The following CPNE4 variants were observed in gnomAD, a reference collection of about 807,000 sequenced individuals.
CPNE4 encodes the protein copine 4.
In CPNE4, 25 loss-of-function variants were observed where a neutral mutation model predicts 67.9. The ratio of observed to expected loss-of-function variants is 0.37; its 90% CI spans 0.27 to 0.51. CPNE4 has a LOEUF of 0.51. CPNE4 is among the 20% of genes least tolerant of loss of function. The probability of loss-of-function intolerance (pLI) is 0.93; values close to 1 mark genes in which losing one functional copy is unlikely to be tolerated. For synonymous variants in CPNE4, 242 were observed against 244.9 expected, an observed-to-expected ratio of 0.99 and a Z score of 0.11; for missense variants, 464 against 690.8, an observed-to-expected ratio of 0.67 and a Z score of 3.68.
At chr3:131,971,193 AG>A (rs1006478548) in intron 1 of CPNE4, among the ~76,000 whole-genome samples, 1 of 152,206 alleles carries the variant, frequency 6.6e-6, no homozygotes, top group African/African-American at 2.4e-5. Context: ...CGGTAGTTTC[AG>A]GGTAGTTAGA....
At chr3:131,786,616 C>T (rs1020371412) in intron 2 of CPNE4, among the ~76,000 whole-genome samples, 1 of 152,072 alleles carries the variant, frequency 6.6e-6, no homozygotes, top group South Asian at 2.1e-4. Flanking sequence ...GGCCAAGGCA[C>T]CTAGGGTAAA....
chr3:131,668,028 T>G (rs1332121017), intron 7 of CPNE4, among the ~76,000 whole-genome samples: 1 of 152,110 alleles, frequency 6.6e-6, no homozygotes, highest in Non-Finnish European at 1.5e-5. Flanking sequence ...AAGGACCAAA[T>G]AGCCAGGAAT....
intron 2 of CPNE4, among the ~76,000 whole-genome samples, chr3:131,899,334 AC>A (rs2088462506): frequency 6.6e-6 from 1 of 152,014 alleles, no homozygotes; most frequent in Non-Finnish European, 1.5e-5. Context: ...AGGATTAAAG[AC>A]CCCACATTGC....
At chr3:131,789,755 T>A (rs1227800074) in intron 2 of CPNE4, among the ~76,000 whole-genome samples, 1 of 152,100 alleles carries the variant, frequency 6.6e-6, no homozygotes, top group Non-Finnish European at 1.5e-5. Flanking sequence ...TTAGAATATA[T>A]AACCTCTGTT....
At chr3:131,908,821 G>A (rs1053821220) in intron 1 of CPNE4, among the ~76,000 whole-genome samples, 1 of 152,112 alleles carries the variant, frequency 6.6e-6, no homozygotes, top group Non-Finnish European at 1.5e-5. Flanking sequence ...CACTGACCAT[G>A]TATCCTTGGG....
intron 7 of CPNE4, among the ~76,000 whole-genome samples, chr3:131,621,607 C>T (rs77203787): frequency 0.11 from 16,142 of 152,002 alleles, 1,625 homozygotes; most frequent in African/African-American, 0.27. Flanking sequence ...CCCTCAGATA[C>T]TGCAGGTTTT....
chr3:131,852,245 G>A (rs1310460587), intron 2 of CPNE4, among the ~76,000 whole-genome samples: 3 of 151,828 alleles, frequency 2.0e-5, no homozygotes, highest in African/African-American at 7.3e-5. Context: ...AAAATATGAT[G>A]GTTGTGTGTC....
chr3:131,740,916 T>C (rs1481787136), intron 2 of CPNE4, among the ~76,000 whole-genome samples: 2 of 152,218 alleles, frequency 1.3e-5, no homozygotes, highest in Non-Finnish European at 2.9e-5. Flanking sequence ...ATCCTAGGCA[T>C]ACTCTTGTGT....
intron 2 of CPNE4, among the ~76,000 whole-genome samples, chr3:131,904,415 C>T (rs576932530): frequency 1.3e-5 from 2 of 152,190 alleles, no homozygotes; most frequent in South Asian, 2.1e-4. Context: ...CGGCTTAGAA[C>T]GAGTCACTTC....
intron 7 of CPNE4, among the ~76,000 whole-genome samples, chr3:131,600,638 C>T (rs1939151184): frequency 6.6e-6 from 1 of 152,054 alleles, no homozygotes; most frequent in Non-Finnish European, 1.5e-5. Flanking sequence ...GACCCCGCCT[C>T]GAGAGGAAAC....
intron 1 of CPNE4, among the ~76,000 whole-genome samples, chr3:131,973,071 C>T (rs2072546571): frequency 6.6e-6 from 1 of 152,080 alleles, no homozygotes; most frequent in African/African-American, 2.4e-5. Context: ...CTAAAAATCC[C>T]AACTGGTTGT....
chr3:131,860,660 A>C (rs200416875), intron 2 of CPNE4, among the ~76,000 whole-genome samples: 1 of 129,982 alleles, frequency 7.7e-6, no homozygotes, highest in African/African-American at 2.5e-5. Context: ...TACATGATTA[A>C]ATTAATCAAA....
At chr3:131,875,616 G>A (rs912833903) in intron 2 of CPNE4, among the ~76,000 whole-genome samples, 1 of 151,562 alleles carries the variant, frequency 6.6e-6, no homozygotes, top group Non-Finnish European at 1.5e-5. Flanking sequence ...TCACTCATAG[G>A]TGGGAATTGA....
chr3:131,537,989 GCCTCTAC>G, intron 15 of CPNE4, among the ~76,000 whole-genome samples: 1 of 152,218 alleles, frequency 6.6e-6, no homozygotes, highest in East Asian at 1.9e-4. Context: ...AGCATCCTTG[GCCTCTAC>G]CCACTAGATA....
chr3:131,732,659 T>A (rs1036433089), intron 2 of CPNE4, among the ~76,000 whole-genome samples: 4 of 152,236 alleles, frequency 2.6e-5, no homozygotes, highest in Non-Finnish European at 5.9e-5. Context: ...TCCCAGGGCA[T>A]CTCAGAGTCT....
chr3:131,708,171 T>A (rs560515907), intron 3 of CPNE4, among the ~76,000 whole-genome samples: 1 of 152,220 alleles, frequency 6.6e-6, no homozygotes, highest in African/African-American at 2.4e-5. Context: ...CCTTCATGAC[T>A]GATTGATGGG....
chr3:131,905,351 C>T lies in CPNE4; in HGVS notation c.93G>A (p.Ala31=), dbSNP rs368853915. The T allele has an allele frequency of 8.7e-6, 14 of 1,613,454 alleles. No homozygotes were observed. The highest frequency in any genetic ancestry group is 1.7e-4 in the Middle Eastern group (1 of 6,052). The change falls in exon 2 of 16, where the codon GCG becomes GCA. Residue 31 remains alanine (A), a synonymous_variant. Coordinates refer to ENST00000429747, the MANE Select transcript of CPNE4 (RefSeq NM_130808.3). ...CATCTCTGTCAGAAATGCCTTTGCA[C>T]GCCACACGCAGCTCAACTTTGGTCA... ...PCLTKVELRV[A]CKGISDRDAL...
intron 8 of CPNE4, among the ~76,000 whole-genome samples, chr3:131,586,394 A>C (rs1938183046): frequency 6.6e-6 from 1 of 152,184 alleles, no homozygotes; most frequent in East Asian, 1.9e-4. Context: ...GAAAGGGTGC[A>C]TTATCAAGTC....
At chr3:131,803,197 C>T (rs1157315827) in intron 2 of CPNE4, among the ~76,000 whole-genome samples, 1 of 152,164 alleles carries the variant, frequency 6.6e-6, no homozygotes, top group East Asian at 1.9e-4. Flanking sequence ...TACATAATGT[C>T]CTAGAGGGAT....
Sources: allele counts gnomAD v4.1 joint callset (sites outside exome capture counted in the v4.1 genomes callset), GRCh38; gene constraint gnomAD v4.1.1; transcripts MANE v1.5; gene names NCBI Gene and HGNC (gene_info 2026-07-23, HGNC 2026-07-21).